Variants in POLE observed in about 807,000 individuals in gnomAD.
The protein encoded by POLE is DNA polymerase epsilon, catalytic subunit, also known as DNA polymerase epsilon catalytic subunit A.
In POLE, 188 loss-of-function variants were observed where a neutral mutation model predicts 279.2. The ratio of observed to expected loss-of-function variants is 0.67; its 90% confidence interval spans 0.60 to 0.76. The LOEUF (loss-of-function observed/expected upper bound fraction) is 0.76. Ranked by LOEUF, POLE falls within the 30% of genes least tolerant of loss-of-function variation. The probability of loss-of-function intolerance (pLI) is 0.00; values close to 1 mark genes in which losing one functional copy is unlikely to be tolerated. For missense variants in POLE, 2,703 were observed against 3,016.7 expected, an observed-to-expected ratio of 0.90 and a Z score of 2.44; for synonymous variants, 1,214 against 1,172.5, an observed-to-expected ratio of 1.04 and a Z score of -0.72.
At chr12:132,658,940 C>T (rs2042614643) in intron 26 of POLE, among the ~76,000 whole-genome samples, 1 of 124,512 alleles carries the variant, frequency 8.0e-6, no homozygotes, top group African/African-American at 3.1e-5. Flanking sequence ...GTTTTACATA[C>T]ACGGAGGCAT....
intron 45 of POLE, among the ~76,000 whole-genome samples, chr12:132,630,028 G>A (rs1354608764): frequency 5.3e-5 from 8 of 152,180 alleles, no homozygotes; most frequent in Non-Finnish European, 1.0e-4. Flanking sequence ...TGGCAGAATG[G>A]CCCGTGAGTG....
At chr12:132,672,365 C>G (rs890330695) in intron 15 of POLE, 43 bp from the exon 16 acceptor site, 1 of 1,473,216 alleles carries the variant, frequency 6.8e-7, no homozygotes, top group African/African-American at 1.4e-5. Context: ...GGAAACACAC[C>G]CACACTAGCC....
At chr12:132,670,882 G>A (rs2042913421) in intron 16 of POLE, among the ~76,000 whole-genome samples, 1 of 152,174 alleles carries the variant, frequency 6.6e-6, no homozygotes, top group Non-Finnish European at 1.5e-5. Flanking sequence ...TAATGGATGT[G>A]GCTGACAATA....
At position 132,626,149 on chromosome 12, in the gene POLE, G is replaced by A. The variant is rs1344226348; in HGVS notation, c.6499C>T (p.Leu2167=). 1 of 1,608,378 alleles carries A rather than the reference G, an allele frequency of 6.2e-7. No individual in the cohort carries two copies. The highest frequency in any genetic ancestry group is 1.7e-5 in the Admixed American group (1 of 59,124). ...ICRSCNFCRD[L]DLCKDSSFSE... is the part of the protein sequence containing the mutation. ...AAGGAAGAGTCTTTACACAGGTCCA[G>A]GTCGCGGCAGAAGTTACAGCTGCGG... is the stretch of plus-strand genomic sequence containing the variant. The change falls in exon 46 of 49, where the codon CTG becomes TTG. Residue 2167 remains leucine, a synonymous_variant. Transcript: ENST00000320574.
chr12:132,672,718 T>C lies in POLE; in HGVS notation c.1595A>G (p.His532Arg). 6.2e-7 allele frequency: 1 copy of C among 1,614,130 alleles called. No individual in the cohort carries two copies. Among genetic ancestry groups the C allele is most frequent in the Non-Finnish European group, 8.5e-7 (1 of 1,180,024 alleles). ...GACGTAGGTCTCAGAGTCCAGCACG[T>C]GTCCGTCGTCCGTCAGCTTATTGAA... ...QEFNKLTDDG[H>R]VLDSETYVGG... Residue 532 changes from histidine to arginine, a missense_variant, in exon 15 of 49, where the codon CAC (histidine) becomes CGC (arginine). Around this residue, in one of 5 missense-constraint regions of POLE, gnomAD observed 1,011 missense variants for 1,111.7 expected, o/e 0.91. Transcript: ENST00000320574.
intron 27 of POLE, 59 bp from the exon 28 acceptor site, chr12:132,657,488 T>TGAG (rs2042572523): frequency 7.1e-7 from 1 of 1,409,052 alleles, no homozygotes; most frequent in Non-Finnish European, 1.0e-6. Context: ...AGAGTGGGGC[T>TGAG]CACTTCATGC....
Position 132,624,299 on chromosome 12 carries a change from GCCCCCA to G in POLE, c.*392_*397del. ...AGAGCCCAATCTCAGGGAGCCAGAA[GCCCCCA>G]GGGGCTTTTCCTCCCTCTGGGAGGC... On this transcript the variant is annotated 3_prime_UTR_variant, in exon 49 of 49. Coordinates refer to ENST00000320574, the MANE Select transcript of POLE (RefSeq NM_006231.4). 3.6e-6 allele frequency: 1 copy of G among 279,804 alleles called. No individual in the cohort carries two copies. Among genetic ancestry groups the G allele is most frequent in the Non-Finnish European group, 6.8e-6 (1 of 146,234 alleles). The allele number at this position is 279,804 out of a possible 1,614,324, so 17.3% of individuals were successfully genotyped here. A position where few individuals can be genotyped will look rare whatever the true frequency, so the allele number is the denominator to read the frequency against.
chr12:132,659,784 TG>T (rs2042638658), intron 25 of POLE: 8 of 386,022 alleles, frequency 2.1e-5, no homozygotes, highest in South Asian at 2.0e-4. Context: ...CCTCCCCTCC[TG>T]GGTTCAAGAG....
At chr12:132,666,090 C>T (rs368730122) in intron 20 of POLE, among the ~76,000 whole-genome samples, 10 of 152,312 alleles carry the variant, frequency 6.6e-5, no homozygotes, top group African/African-American at 2.4e-4. Context: ...TATCCAAAAT[C>T]ACCAAAAGCA....
Position 132,649,691 on chromosome 12 carries a change from G to A in POLE, c.3781C>T (p.Leu1261=), listed in dbSNP as rs777554849. 3 of 1,614,018 alleles carry A rather than the reference G, an allele frequency of 1.9e-6. No individual in the cohort carries two copies. The highest frequency in any genetic ancestry group is 4.5e-5 in the East Asian group (2 of 44,872). ...WQEILGQPPA[L]GTSQEEWLVW... ...GTGTGCCTTACCTGGCTGGTTCCCA[G>A]GGCGGGAGGCTGCCCCAAGATTTCC... The change falls in exon 30 of 49, where the codon CTG becomes TTG. Residue 1261 remains leucine (L), a synonymous_variant. Coordinates refer to ENST00000320574, the MANE Select transcript of POLE (RefSeq NM_006231.4).
rs2138541050 is a variant in POLE at position 132,642,908 on chromosome 12, G to A, written c.4640C>T (p.Pro1547Leu). The A allele has an allele frequency of 3.7e-6, 6 of 1,613,616 alleles. No individual in the cohort carries two copies. Among genetic ancestry groups the A allele is most frequent in the Non-Finnish European group, 5.1e-6 (6 of 1,179,844 alleles). ...AACTTCGAAGGTGTGTTTGGGGGGT[G>A]GCAGGAGCTCAGGGCCCACCTTCTC... ...LLEKVGPELLPPPKHTFEVRA... is the reference protein window; with the variant it reads ...LLEKVGPELLLPPKHTFEVRA... The change falls in exon 36 of 49, where the codon CCA (proline) becomes CTA (leucine). Residue 1547 changes from proline to leucine, a missense_variant. Around this residue, in one of 5 missense-constraint regions of POLE, gnomAD observed 1,551 missense variants for 1,686.1 expected, o/e 0.92. Transcript: ENST00000320574.
chr12:132,632,442 T>C lies in POLE; in HGVS notation c.6203A>G (p.Gln2068Arg). The C allele has an allele frequency of 6.2e-7, 1 of 1,614,000 alleles. No individual in the cohort carries two copies. Among genetic ancestry groups the C allele is most frequent in the Non-Finnish European group, 8.5e-7 (1 of 1,179,850 alleles). ...ELTQSFFTIT[Q>R]KIQKKVTGSR... ...GCCTGTGACTTTCTTCTGAATCTTC[T>C]GAGTGATGGTGAAGAAGCTCTGAGT... Residue 2068 changes from glutamine (Q) to arginine (R), a missense_variant, in exon 45 of 49, where the codon CAG becomes CGG. By Grantham distance (43) the Gln-to-Arg change is conservative (BLOSUM62 1). This residue lies in a region of POLE where 1,551 missense variants were observed against 1,686.1 expected (regional missense o/e 0.92). Transcript: ENST00000320574.
rs184271897 is a variant in POLE, at chr12:132,680,577, G to A, written c.285+30C>T. ...AGCTACATGAACACCCATAAAAGTG[G>A]GTTTTAGCTTGTCGCAGTCAGGGGC... On this transcript the variant is annotated intron_variant, in intron 3 of 48. Coordinates refer to ENST00000320574, the MANE Select transcript of POLE (RefSeq NM_006231.4). 62 of 1,558,144 alleles carry A rather than the reference G, an allele frequency of 4.0e-5. No individual in the cohort carries two copies. In the East Asian group the frequency reaches 6.7e-4, roughly 17 times the overall value.
rs777955589 is a variant in POLE, at chr12:132,661,035, C to T, written c.2994G>A (p.Thr998=). The change falls in exon 25 of 49, where the codon ACG becomes ACA. Residue 998 remains threonine, a synonymous_variant. Coordinates refer to ENST00000320574, the MANE Select transcript of POLE (RefSeq NM_006231.4). The surrounding 1 kb of genome is among the most constrained non-coding windows in gnomAD (Gnocchi z 4.1). The part of the protein sequence containing the change: ...SVFEAFLKGS[T]LEEVYGSVAK... ...CTACAGAGCCATACACCTCTTCCAG[C>T]GTGCTGCCCTTGAGGAAGGCCTCAA... 25 of 1,614,150 alleles carry T rather than the reference C, an allele frequency of 1.5e-5. No homozygotes were observed. The highest frequency in any genetic ancestry group is 6.6e-5 in the South Asian group (6 of 91,084).
rs902430793 is a variant in POLE, at chr12:132,679,618, T to C, written c.457A>G (p.Ile153Val). ...TCCACAGTGTGGAAGGACAGCCTGATGTAATTTCGCTTCAAACCCACCAAG... is the reference window on the plus strand; with the variant it reads ...TCCACAGTGTGGAAGGACAGCCTGACGTAATTTCGCTTCAAACCCACCAAG... ...NHLVGLKRNYIRLSFHTVEDL... is the reference protein window; with the variant it reads ...NHLVGLKRNYVRLSFHTVEDL... The change falls in exon 6 of 49, where the codon ATC becomes GTC. Residue 153 changes from isoleucine (I) to valine (V), a missense_variant. Ile to Val is a conservative substitution (Grantham distance 29). This residue lies in a region of POLE where 1,011 missense variants were observed against 1,111.7 expected (regional missense o/e 0.91). Coordinates refer to ENST00000320574, the MANE Select transcript of POLE (RefSeq NM_006231.4). 6.2e-7 allele frequency: 1 copy of C among 1,612,864 alleles called. No homozygotes were observed. The highest frequency in any genetic ancestry group is 1.1e-5 in the South Asian group (1 of 91,064).
intron 32 of POLE, among the ~76,000 whole-genome samples, chr12:132,645,499 G>T (rs1206969977): frequency 6.6e-6 from 1 of 152,178 alleles, no homozygotes; most frequent in Non-Finnish European, 1.5e-5. Context: ...CCAAAACAAC[G>T]CAGCAGAGGC....
In POLE at chr12:132,635,956, CAG is replaced by C. The variant is rs1212983532; in HGVS notation, c.5745_5746del (p.Trp1916AspfsTer5). The stretch of plus-strand genomic sequence containing the variant: ...TCCGCCATAGTTAGATGGATCCATC[CAG>C]AGAAGAAATTCCCAGCATCGAGAGA... On this transcript the variant is annotated frameshift_variant, in exon 42 of 49. Coordinates refer to ENST00000320574, the MANE Select transcript of POLE (RefSeq NM_006231.4). LOFTEE classifies it high-confidence loss of function. The C allele has an allele frequency of 6.2e-7, 1 of 1,613,806 alleles. No homozygotes were observed. Among genetic ancestry groups the C allele is most frequent in the Non-Finnish European group, 8.5e-7 (1 of 1,179,864 alleles).
chr12:132,655,949 G>T (rs1224323934), intron 29 of POLE, among the ~76,000 whole-genome samples: 2 of 152,034 alleles, frequency 1.3e-5, no homozygotes, highest in African/African-American at 4.8e-5. Context: ...ATTCACCTGA[G>T]GTCAGGAGTT....
In POLE at chr12:132,661,411, C is replaced by A; in HGVS notation, c.2864+116G>T. ...CTGGTGCAAACGGAATCAGTAAGATCACAAGAACCCAGGTCTGTTTCTATC... is the reference window on the plus strand; with the variant it reads ...CTGGTGCAAACGGAATCAGTAAGATAACAAGAACCCAGGTCTGTTTCTATC... On this transcript the variant is annotated intron_variant, in intron 24 of 48. Coordinates refer to ENST00000320574, the MANE Select transcript of POLE (RefSeq NM_006231.4). This position sits in a 1 kb window ranked among gnomAD's most constrained non-coding sequence, Gnocchi z 4.1. The A allele has an allele frequency of 5.9e-6, 7 of 1,192,494 alleles. No homozygotes were observed. Among genetic ancestry groups the A allele is most frequent in the Middle Eastern group, 2.2e-4 (1 of 4,590 alleles). 73.9% of individuals were successfully genotyped at this position (1,192,494 alleles called of 1,614,324 possible).
Sources: allele counts gnomAD v4.1 joint callset (sites outside exome capture counted in the v4.1 genomes callset), GRCh38; gene constraint gnomAD v4.1.1; regional missense constraint gnomAD v4.1.1; non-coding constraint Gnocchi (gnomAD v3.1); transcripts MANE v1.5; gene names NCBI Gene and HGNC (gene_info 2026-07-23, HGNC 2026-07-21).